PTPN21: variants seen among roughly 807,000 people sequenced by gnomAD.
PTPN21 encodes the protein tyrosine-protein phosphatase non-receptor type 21.
PTPN21 carries 77 observed loss-of-function variants against 131.8 expected under a neutral mutation model. The observed-to-expected ratio is 0.58, with a 90% confidence interval of 0.49 to 0.71. The LOEUF is 0.71. Ranked by LOEUF, PTPN21 falls within the 30% of genes least tolerant of loss-of-function variation. The probability of loss-of-function intolerance (pLI) is 0.00; values close to 1 mark genes in which losing one functional copy is unlikely to be tolerated. For missense variants in PTPN21, 1,552 were observed against 1,527.1 expected, an observed-to-expected ratio of 1.02 and a Z score of -0.27; for synonymous variants, 715 against 621.3, an observed-to-expected ratio of 1.15 and a Z score of -2.24.
chr14:88,501,598 G>A (rs771061169), intron 6 of PTPN21, among the ~76,000 whole-genome samples: 1 of 152,118 alleles, frequency 6.6e-6, no homozygotes, highest in South Asian at 2.1e-4. Flanking sequence ...GCAGATGAGT[G>A]GGAAGGTGGG....
chr14:88,472,520 T>C (rs1314690746), intron 14 of PTPN21, 55 bp from the exon 15 acceptor site: 46 of 1,084,740 alleles, frequency 4.2e-5, no homozygotes, highest in Non-Finnish European at 6.2e-5. Context: ...CGTGGCTACC[T>C]TTTGACTGTA....
At chr14:88,493,243 C>G (rs2140119245) in intron 10 of PTPN21, 2 of 343,306 alleles carry the variant, frequency 5.8e-6, no homozygotes, top group African/African-American at 4.3e-5. Flanking sequence ...ATGAATTATT[C>G]AGGTCATTGT....
At chr14:88,501,116 T>A in intron 7 of PTPN21, 165 bp downstream of exon 7, 1 of 712,644 alleles carries the variant, frequency 1.4e-6, no homozygotes, top group East Asian at 2.5e-5. Flanking sequence ...AAAATGGGAA[T>A]GTGTTTTACC....
chr14:88,483,190 C>G (rs2077678449), intron 12 of PTPN21, among the ~76,000 whole-genome samples: 1 of 122,036 alleles, frequency 8.2e-6, no homozygotes, highest in South Asian at 2.6e-4. Context: ...CCAGCCTGGG[C>G]AACAGAGTGA....
intron 12 of PTPN21, among the ~76,000 whole-genome samples, chr14:88,481,589 G>A (rs568469081): frequency 1.3e-5 from 2 of 152,176 alleles, no homozygotes; most frequent in Non-Finnish European, 1.5e-5. Flanking sequence ...CAAGAAAAGG[G>A]GAAAGGTATG....
chr14:88,466,244 CT>C lies in PTPN21; in HGVS notation c.*1892del, dbSNP rs2077360965. 6.6e-6 allele frequency: 1 copy of C among 151,968 alleles called. No homozygotes were observed. The highest frequency in any genetic ancestry group is 6.6e-5 in the Admixed American group (1 of 15,250). The allele number at this position is 151,968 out of a possible 1,614,324, so 9.4% of individuals were successfully genotyped here. A position where few individuals can be genotyped will look rare whatever the true frequency, so the allele number is the denominator to read the frequency against. On this transcript the variant is annotated 3_prime_UTR_variant, in exon 19 of 19. Coordinates refer to ENST00000556564, the MANE Select transcript of PTPN21 (RefSeq NM_007039.4). ...TATTTACAAAATTTACATTTTGTTC[CT>C]ACAAAATGTAATTTTTTAATTTTGT...
At chr14:88,478,670 A>G (rs111299986) in intron 13 of PTPN21, among the ~76,000 whole-genome samples, 5,538 of 152,070 alleles carry the variant, frequency 0.036, 348 homozygotes, top group African/African-American at 0.13. Flanking sequence ...TTTCGACAAA[A>G]CCCTGTGAAT....
Position 88,504,509 on chromosome 14 carries a change from A to G in PTPN21, c.517-14T>C, listed in dbSNP as rs369824244. Reference sequence around the variant, plus strand: ...TTGTAACCATCCCTGAAGAAAACACACAGTGGTAAGTATGTGACAATTCAC... The same window carrying G: ...TTGTAACCATCCCTGAAGAAAACACGCAGTGGTAAGTATGTGACAATTCAC... On this transcript the variant is annotated splice_polypyrimidine_tract_variant and intron_variant, in intron 5 of 18. Coordinates refer to ENST00000556564, the MANE Select transcript of PTPN21 (RefSeq NM_007039.4). The G allele has an allele frequency of 6.2e-7, 1 of 1,604,430 alleles. No individual in the cohort carries two copies. Among genetic ancestry groups the G allele is most frequent in the Admixed American group, 1.7e-5 (1 of 59,998 alleles).
intron 4 of PTPN21, 63 bp downstream of exon 4, chr14:88,507,860 C>G: frequency 1.0e-6 from 1 of 975,306 alleles, no homozygotes; most frequent in Non-Finnish European, 1.5e-6. Context: ...AAATCCCTTG[C>G]TATTTTGTTG....
intron 1 of PTPN21, chr14:88,552,316 C>T (rs2078880283): frequency 6.6e-6 from 1 of 152,222 alleles, no homozygotes; most frequent in East Asian, 1.9e-4. Flanking sequence ...CTACTACCCT[C>T]GGCTTTGCCA....
Position 88,500,773 on chromosome 14 carries a change from AG to A in PTPN21, c.764+9del, listed in dbSNP as rs1270085175. On this transcript the variant is annotated intron_variant, in intron 8 of 18. Transcript: ENST00000556564. ...CATAGAAAACATACAAAAAGAGGTA[AG>A]AAAAATACCTAAATACCACAGGATG... The A allele has an allele frequency of 1.3e-6, 2 of 1,591,204 alleles. No individual in the cohort carries two copies. Among genetic ancestry groups the A allele is most frequent in the Admixed American group, 1.7e-5 (1 of 59,972 alleles).
At chr14:88,473,852 T>C in intron 13 of PTPN21, 50 bp from the exon 14 acceptor site, 1 of 1,520,462 alleles carries the variant, frequency 6.6e-7, no homozygotes, top group South Asian at 1.3e-5. Flanking sequence ...ATACAACCCC[T>C]GTGAAAAGAA....
chr14:88,550,107 T>C (rs2078841936), intron 2 of PTPN21, 131 bp downstream of exon 2: 1 of 911,358 alleles, frequency 1.1e-6, no homozygotes, highest in Non-Finnish European at 1.6e-6. Flanking sequence ...AGAGACAGGG[T>C]TTCACCATGT....
rs562337432 is a variant in PTPN21 at position 88,517,396 on chromosome 14, G to A, written c.181-135C>T. ...CCTTTCTTCTCAGAGAAGAACAACA[G>A]CAAAAACTGAAGGAAAAAAAGGAGG... On this transcript the variant is annotated intron_variant, in intron 2 of 18. Coordinates refer to ENST00000556564, the MANE Select transcript of PTPN21 (RefSeq NM_007039.4). 4,197 of 965,654 alleles carry A rather than the reference G, an allele frequency of 4.3e-3. 19 individuals carry two copies. Among genetic ancestry groups the A allele is most frequent in the Non-Finnish European group, 5.6e-3 (3,757 of 670,000 alleles). The allele number at this position is 965,654 out of a possible 1,614,324, so 59.8% of individuals were successfully genotyped here.
chr14:88,519,737 A>G (rs1224575885), intron 2 of PTPN21, among the ~76,000 whole-genome samples: 1 of 152,182 alleles, frequency 6.6e-6, no homozygotes, highest in Non-Finnish European at 1.5e-5. Context: ...AATCCCTAGA[A>G]TACTGCTGGA....
At chr14:88,553,282 A>C (rs1387353727) in intron 1 of PTPN21, among the ~76,000 whole-genome samples, 3 of 152,152 alleles carry the variant, frequency 2.0e-5, no homozygotes, top group African/African-American at 7.2e-5. Flanking sequence ...GCATCCCCCC[A>C]AGATCTATCC....
rs2077997676 is a variant in PTPN21 at position 88,500,870 on chromosome 14, T to C, written c.677A>G (p.Asp226Gly). The part of the protein sequence containing the change: ...GYGEESYPAK[D>G]SQGSDISIGA... ...AATGGATATGTCACTTCCTTGGCTA[T>C]CCTACAAGGAGAAAGCAGAAGAAGA... The change falls in exon 8 of 19, where the codon GAT (aspartate) becomes GGT (glycine). Residue 226 changes from aspartate to glycine, a missense_variant and splice_region_variant. Around this residue, in one of 4 missense-constraint regions of PTPN21, gnomAD observed 14 missense variants for 43.5 expected, o/e 0.32. Transcript: ENST00000556564. 6.2e-7 allele frequency: 1 copy of C among 1,608,498 alleles called. No individual in the cohort carries two copies. The highest frequency in any genetic ancestry group is 8.5e-7 in the Non-Finnish European group (1 of 1,175,156).
In PTPN21 at chr14:88,498,485, G is replaced by GC. The variant is rs2077958906; in HGVS notation, c.765-1196dup. On this transcript the variant is annotated intron_variant, in intron 8 of 18. Coordinates refer to ENST00000556564, the MANE Select transcript of PTPN21 (RefSeq NM_007039.4). The stretch of plus-strand genomic sequence containing the variant: ...ATCCCTCTCTTAGCTGATTGCCAAT[G>GC]CCCCATTTATTCATTCAACAAAATA... 4.6e-5 allele frequency among the ~76,000 whole-genome samples: 7 copies of GC among 152,240 alleles called. No individual in the cohort carries two copies. In the South Asian group the frequency reaches 1.5e-3, roughly 32 times the overall value.
chr14:88,490,096 C>CTGAAATGCAGG (rs2077800906), intron 10 of PTPN21, among the ~76,000 whole-genome samples: 1 of 151,880 alleles, frequency 6.6e-6, no homozygotes, highest in Non-Finnish European at 1.5e-5. Flanking sequence ...GCAACCTCCA[C>CTGAAATGCAGG]CTCCCAGGCT....
Sources: gnomAD v4.1 joint callset for allele counts (sites outside exome capture counted in the v4.1 genomes callset) on GRCh38, gnomAD v4.1.1 for gene constraint, gnomAD v4.1.1 regional missense constraint, MANE v1.5 for transcripts, NCBI Gene and HGNC (gene_info 2026-07-23, HGNC 2026-07-21) for gene names.